The following NDUFA9 variants were observed in gnomAD, a reference collection of about 807,000 sequenced individuals.
NDUFA9 encodes NADH:ubiquinone oxidoreductase subunit A9.
NDUFA9 carries 23 observed loss-of-function variants against 45.9 expected under a neutral mutation model. The observed-to-expected ratio is 0.50, with a 90% CI of 0.36 to 0.71. The LOEUF is 0.71. Ranked by LOEUF, NDUFA9 falls within the 30% of genes least tolerant of loss-of-function variation. The pLI is 0.00. For missense variants in NDUFA9, 466 were observed against 488.2 expected (o/e 0.95, Z 0.43); for synonymous variants, 176 against 170.5 (o/e 1.03, Z -0.25).
In NDUFA9 at chr12:4,689,871, G is replaced by T. The variant is rs1946009641; in HGVS notation, c.*2763G>T. The T allele has an allele frequency of 6.2e-6, 1 of 162,592 alleles. No individual in the cohort carries two copies. The highest frequency in any genetic ancestry group is 1.3e-5 in the Non-Finnish European group (1 of 75,960). The allele number at this position is 162,592 out of a possible 1,614,324, so 10.1% of individuals were successfully genotyped here. On this transcript the variant is annotated 3_prime_UTR_variant, in exon 11 of 11. Coordinates refer to ENST00000266544, the MANE Select transcript of NDUFA9 (RefSeq NM_005002.5). Reference sequence around the variant, plus strand: ...AGGGGCTCCTCACTTCCCAGTAGGGGCGGCCGGGCAGAAGCGCCCCCCACC... The same window carrying T: ...AGGGGCTCCTCACTTCCCAGTAGGGTCGGCCGGGCAGAAGCGCCCCCCACC...
At position 4,667,272 on chromosome 12, in the gene NDUFA9, T is replaced by G. The variant is rs549141228; in HGVS notation, c.656-1185T>G. 9.9e-4 allele frequency among the ~76,000 whole-genome samples: 151 copies of G among 152,262 alleles called. 1 individual carries two copies. The highest frequency in any genetic ancestry group is 3.5e-3 in the African/African-American group (146 of 41,542). ...AGCACCCTCATGGCCTAATTATCTC[T>G]TAGTTCCTATCACATTGGCAACATC... On this transcript the variant is annotated intron_variant, in intron 6 of 10. Transcript: ENST00000266544.
intron 1 of NDUFA9, chr12:4,653,486 G>A (rs552781297): frequency 2.8e-6 from 1 of 358,194 alleles, no homozygotes; most frequent in Admixed American, 4.3e-5. Flanking sequence ...CACACATGCT[G>A]TAGAGAAGAT....
chr12:4,683,487 A>G (rs1476863565), intron 9 of NDUFA9, among the ~76,000 whole-genome samples: 1 of 152,222 alleles, frequency 6.6e-6, no homozygotes, highest in African/African-American at 2.4e-5. Flanking sequence ...TTATGGTCAG[A>G]ATGTTACAAC....
chr12:4,673,472 G>A (rs982538508), intron 8 of NDUFA9, among the ~76,000 whole-genome samples: 5 of 152,200 alleles, frequency 3.3e-5, no homozygotes, highest in Middle Eastern at 3.2e-3. Context: ...CCAGTTTAGA[G>A]AACAACATAA....
rs1268207203 is a variant in NDUFA9 at position 4,690,326 on chromosome 12, A to G, written c.*3218A>G. On this transcript the variant is annotated 3_prime_UTR_variant, in exon 11 of 11. Coordinates refer to ENST00000266544, the MANE Select transcript of NDUFA9 (RefSeq NM_005002.5). The stretch of plus-strand genomic sequence containing the variant: ...TCTGATTCTACTTTAAATTCCGTTC[A>G]TGTTCTTCCTTGGCCCTCCTGTGTA... 6.6e-6 allele frequency: 1 copy of G among 152,216 alleles called. No homozygotes were observed. The highest frequency in any genetic ancestry group is 1.5e-5 in the Non-Finnish European group (1 of 68,052). The allele number at this position is 152,216 out of a possible 1,614,324, so 9.4% of individuals were successfully genotyped here. A position where few individuals can be genotyped will look rare whatever the true frequency, so the allele number is the denominator to read the frequency against.
At chr12:4,677,646 CAG>C (rs1945927929) in intron 8 of NDUFA9, among the ~76,000 whole-genome samples, 1 of 152,288 alleles carries the variant, frequency 6.6e-6, no homozygotes, top group Admixed American at 6.5e-5. Flanking sequence ...CAGGAAACAA[CAG>C]ATGCTGGAGA....
chr12:4,687,053 G>T lies in NDUFA9; in HGVS notation c.1079G>T (p.Arg360Leu). The T allele has an allele frequency of 1.2e-6, 2 of 1,614,130 alleles. No individual in the cohort carries two copies. The highest frequency in any genetic ancestry group is 1.1e-5 in the South Asian group (1 of 91,070). Residue 360 changes from arginine to leucine, a missense_variant, in exon 11 of 11, where the codon CGC (arginine) becomes CTC (leucine). Arg to Leu is a moderately radical substitution (Grantham distance 102, BLOSUM62 -2). Transcript: ENST00000266544. ...IEVLRRHRTY[R>L]WLSAEIEDVK... ...GTGCTGCGGCGTCATCGCACTTACC[G>T]CTGGCTGTCTGCTGAAATTGAGGAT...
At chr12:4,666,073 A>G (rs1945851554) in intron 6 of NDUFA9, among the ~76,000 whole-genome samples, 1 of 152,284 alleles carries the variant, frequency 6.6e-6, no homozygotes, top group East Asian at 1.9e-4. Context: ...CCAAAGTTCT[A>G]GGATTATAGG....
At chr12:4,684,538 A>G (rs2240761) in intron 9 of NDUFA9, among the ~76,000 whole-genome samples, 109,102 of 152,026 alleles carry the variant, frequency 0.72, 39,789 homozygotes, top group Non-Finnish European at 0.79. Context: ...GGGAGGCTGA[A>G]GTGGGAGGAT....
chr12:4,650,696 G>A (rs1945753954), intron 1 of NDUFA9, among the ~76,000 whole-genome samples: 1 of 152,202 alleles, frequency 6.6e-6, no homozygotes. Flanking sequence ...GGAAAGATTA[G>A]TATCATTTGA....
At chr12:4,661,022 A>T (rs1214957553) in intron 5 of NDUFA9, among the ~76,000 whole-genome samples, 1 of 151,838 alleles carries the variant, frequency 6.6e-6, no homozygotes, top group South Asian at 2.1e-4. Flanking sequence ...AAGGTAGAGG[A>T]TCTACATTGT....
At position 4,678,201 on chromosome 12, in the gene NDUFA9, G is replaced by T. The variant is rs562052858; in HGVS notation, c.801-4004G>T. On this transcript the variant is annotated intron_variant, in intron 8 of 10. Transcript: ENST00000266544. ...TAATGTAGATGGCAGGTTGATGGGT[G>T]CAGCAAACCACCATGGCACATGTAT... Among the ~76,000 whole-genome samples, 3 of 152,066 alleles carry T rather than the reference G, an allele frequency of 2.0e-5. No homozygotes were observed. The South Asian group carries it at 6.2e-4, about 32-fold the overall frequency.
At chr12:4,665,664 T>C (rs1421991092) in intron 6 of NDUFA9, among the ~76,000 whole-genome samples, 2 of 152,152 alleles carry the variant, frequency 1.3e-5, no homozygotes, top group Non-Finnish European at 2.9e-5. Context: ...TATTCCACAG[T>C]GGCTGCACCA....
At chr12:4,668,432 T>C (rs540543130) in intron 6 of NDUFA9, 25 bp from the exon 7 acceptor site, 2 of 1,591,040 alleles carry the variant, frequency 1.3e-6, no homozygotes, top group African/African-American at 1.3e-5. Flanking sequence ...CTTCTCAGTA[T>C]AGTTCTCATT....
chr12:4,684,681 G>A (rs1189871329), intron 9 of NDUFA9, among the ~76,000 whole-genome samples: 1 of 152,172 alleles, frequency 6.6e-6, no homozygotes, highest in African/African-American at 2.4e-5. Flanking sequence ...TGGCACGTAA[G>A]GAGCCCTTCA....
chr12:4,671,176 GT>G (rs1257490664), intron 8 of NDUFA9, among the ~76,000 whole-genome samples: 2 of 151,910 alleles, frequency 1.3e-5, no homozygotes, highest in Non-Finnish European at 1.5e-5. Context: ...TTCCTCCTAG[GT>G]TTTTTGTAAT....
At position 4,674,912 on chromosome 12, in the gene NDUFA9, A is replaced by G. The variant is rs182261474; in HGVS notation, c.800+5095A>G. ...GCACTTCTTCTAAAATTGACCACAT[A>G]ATTGAAAGTAAAACAGTTCTCAGCA... On this transcript the variant is annotated intron_variant, in intron 8 of 10. Transcript: ENST00000266544. Among the ~76,000 whole-genome samples the G allele has an allele frequency of 3.3e-3, 510 of 152,310 alleles. 3 individuals carry two copies. Among genetic ancestry groups the G allele is most frequent in the Non-Finnish European group, 4.1e-3 (281 of 68,030 alleles).
intron 6 of NDUFA9, among the ~76,000 whole-genome samples, chr12:4,663,990 A>G (rs941325913): frequency 6.6e-6 from 1 of 152,212 alleles, no homozygotes; most frequent in Non-Finnish European, 1.5e-5. Context: ...AGTGGAAGGT[A>G]GAACTTGTGA....
Position 4,688,856 on chromosome 12 carries a change from A to G in NDUFA9, c.*1748A>G, listed in dbSNP as rs1389158883. On this transcript the variant is annotated 3_prime_UTR_variant, in exon 11 of 11. Transcript: ENST00000266544. Reference sequence around the variant, plus strand: ...ATTTTGGATGACACCCCTCCTGGCCATAAGCCAGCCATTAGGCACAGAGAT... The same window carrying G: ...ATTTTGGATGACACCCCTCCTGGCCGTAAGCCAGCCATTAGGCACAGAGAT... 1.3e-5 allele frequency: 2 copies of G among 152,222 alleles called. No homozygotes were observed. Among genetic ancestry groups the G allele is most frequent in the East Asian group, 3.8e-4 (2 of 5,204 alleles). 9.4% of individuals were successfully genotyped at this position (152,222 alleles called of 1,614,324 possible).
Sources: gnomAD v4.1 joint callset for allele counts (sites outside exome capture counted in the v4.1 genomes callset) on GRCh38, gnomAD v4.1.1 for gene constraint, MANE v1.5 for transcripts, NCBI Gene and HGNC (gene_info 2026-07-23, HGNC 2026-07-21) for gene names.